ANLN: variants seen among roughly 807,000 people sequenced by gnomAD.
ANLN encodes anillin.
ANLN carries 59 observed loss-of-function variants against 135.1 expected under a neutral mutation model. The observed-to-expected ratio is 0.44, with a 90% CI of 0.35 to 0.54. The LOEUF is 0.54. ANLN is among the 20% of genes least tolerant of loss of function. ANLN has a pLI of 0.00. For missense variants in ANLN, 1,182 were observed against 1,340.0 expected (o/e 0.88, Z 1.84); for synonymous variants, 406 against 456.4 (o/e 0.89, Z 1.41).
At chr7:36,396,219 C>A (rs778849303) in intron 1 of ANLN, 47 bp from the exon 2 acceptor site, 1 of 1,491,938 alleles carries the variant, frequency 6.7e-7, no homozygotes, top group Non-Finnish European at 9.0e-7. Flanking sequence ...ATTTTATGAA[C>A]CTTTGATTAA....
Position 36,407,802 on chromosome 7 carries a change from T to C in ANLN, c.942T>C (p.Pro314=). The C allele has an allele frequency of 6.2e-7, 1 of 1,613,906 alleles. No homozygotes were observed. The highest frequency in any genetic ancestry group is 8.5e-7 in the Non-Finnish European group (1 of 1,179,844). Residue 314 remains proline, a synonymous_variant, in exon 5 of 24, where the codon CCT becomes CCC. Coordinates refer to ENST00000265748, the MANE Select transcript of ANLN (RefSeq NM_018685.5). ...TDAKSCEGQN[P]ELLPKTPISP... is the part of the protein sequence containing the mutation. ...CTAAAAGTTGTGAGGGACAAAATCC[T>C]GAGCTACTTCCAAAAACTCCTATTA... is the stretch of plus-strand genomic sequence containing the variant.
At chr7:36,420,046 A>G (rs1198795223) in intron 10 of ANLN, 123 bp from the exon 11 acceptor site, 1 of 921,142 alleles carries the variant, frequency 1.1e-6, no homozygotes, top group Non-Finnish European at 1.6e-6. Context: ...CTTTGTTTTT[A>G]TGATGAATCA....
chr7:36,402,604 G>GT (rs1259195996), intron 3 of ANLN, among the ~76,000 whole-genome samples: 1 of 151,888 alleles, frequency 6.6e-6, no homozygotes, highest in Non-Finnish European at 1.5e-5. Flanking sequence ...TTTTTCAAAC[G>GT]TATCTCTCTA....
intron 7 of ANLN, among the ~76,000 whole-genome samples, chr7:36,415,402 G>GTTATT (rs58082754): frequency 1.2e-3 from 174 of 149,286 alleles, no homozygotes; most frequent in African/African-American, 4.0e-3. Context: ...TTTTTTTATT[G>GTTATT]TTATTTTATT....
At chr7:36,396,103 G>A (rs1197894811) in intron 1 of ANLN, among the ~76,000 whole-genome samples, 163 bp from the exon 2 acceptor site, 2 of 152,082 alleles carry the variant, frequency 1.3e-5, no homozygotes, top group Non-Finnish European at 2.9e-5. Flanking sequence ...TTATGACATT[G>A]GGGTACTCAT....
At chr7:36,424,032 C>A in intron 15 of ANLN, 89 bp downstream of exon 15, 1 of 1,309,994 alleles carries the variant, frequency 7.6e-7, no homozygotes, top group Non-Finnish European at 1.0e-6. Flanking sequence ...CATTTATAAT[C>A]TTTGAAACGC....
intron 20 of ANLN, among the ~76,000 whole-genome samples, chr7:36,436,984 T>G (rs1375318118): frequency 2.0e-5 from 3 of 152,238 alleles, no homozygotes; most frequent in Non-Finnish European, 4.4e-5. Flanking sequence ...ATAATTTTTT[T>G]TATTATGGTA....
rs775015663 is a variant in ANLN at position 36,422,780 on chromosome 7, A to AT, written c.2451dup (p.Val818CysfsTer24). On this transcript the variant is annotated frameshift_variant, in exon 14 of 24. Transcript: ENST00000265748. LOFTEE classifies it high-confidence loss of function. ...GAAATCCGCTTGCCTCTAAAAGCAG[A>AT]TTTTGTCTGCAGTACGGTTCAGAAA... 3.7e-6 allele frequency: 6 copies of AT among 1,612,226 alleles called. No homozygotes were observed. Among genetic ancestry groups the AT allele is most frequent in the Non-Finnish European group, 3.4e-6 (4 of 1,179,350 alleles).
intron 19 of ANLN, 32 bp from the exon 20 acceptor site, chr7:36,426,884 T>A: frequency 4.3e-6 from 6 of 1,404,588 alleles, no homozygotes; most frequent in Non-Finnish European, 5.9e-6. Context: ...AAAGTCATTC[T>A]GAACTAAACT....
intron 1 of ANLN, among the ~76,000 whole-genome samples, chr7:36,394,627 CATTCTT>C (rs547163149): frequency 2.8e-5 from 4 of 144,578 alleles, no homozygotes; most frequent in South Asian, 5.4e-4. Flanking sequence ...AATTAGAAAT[CATTCTT>C]AAGAAGAGTA....
intron 17 of ANLN, among the ~76,000 whole-genome samples, chr7:36,425,352 T>A (rs1355775171): frequency 3.3e-5 from 5 of 149,526 alleles, no homozygotes; most frequent in Non-Finnish European, 1.5e-5. Context: ...TGGAGTGCAG[T>A]GGCGTGATCT....
chr7:36,405,996 A>G (rs1227390203), intron 3 of ANLN, among the ~76,000 whole-genome samples, 185 bp from the exon 4 acceptor site: 1 of 152,236 alleles, frequency 6.6e-6, no homozygotes, highest in African/African-American at 2.4e-5. Flanking sequence ...CGGATTTAAT[A>G]TCATTTGATT....
At chr7:36,407,684 AT>A (rs1562792058) in intron 4 of ANLN, 49 bp from the exon 5 acceptor site, 1 of 1,359,044 alleles carries the variant, frequency 7.4e-7, no homozygotes, top group South Asian at 1.2e-5. Context: ...TTATAGGACT[AT>A]TTTTAGATAT....
chr7:36,449,388 CTGT>C, intron 22 of ANLN: 1 of 226,744 alleles, frequency 4.4e-6, no homozygotes, highest in East Asian at 9.6e-5. Flanking sequence ...GCTCATTATA[CTGT>C]TGTTTGTATT....
chr7:36,428,830 G>C (rs1788197135), intron 20 of ANLN, among the ~76,000 whole-genome samples: 1 of 145,776 alleles, frequency 6.9e-6, no homozygotes, highest in African/African-American at 2.5e-5. Context: ...CCAGGCTGGA[G>C]TGCAGTGGCG....
At position 36,453,424 on chromosome 7, in the gene ANLN, A is replaced by G. The variant is rs951596635; in HGVS notation, c.*824A>G. On this transcript the variant is annotated 3_prime_UTR_variant, in exon 24 of 24. Coordinates refer to ENST00000265748, the MANE Select transcript of ANLN (RefSeq NM_018685.5). Reference sequence around the variant, plus strand: ...ACTGTTATGAAGCTGCTATGTACTAATAATACTTTGCTTGCCAAAGTGTTT... The same window carrying G: ...ACTGTTATGAAGCTGCTATGTACTAGTAATACTTTGCTTGCCAAAGTGTTT... The G allele has an allele frequency of 1.1e-4, 16 of 152,206 alleles. No homozygotes were observed. Among genetic ancestry groups the G allele is most frequent in the Non-Finnish European group, 1.9e-4 (13 of 68,038 alleles). The allele number at this position is 152,206 out of a possible 1,614,324, so 9.4% of individuals were successfully genotyped here.
Position 36,426,919 on chromosome 7 carries a change from TG to T in ANLN, c.2776del (p.Ala926ProfsTer27). 1 of 1,594,344 alleles carries T rather than the reference TG, an allele frequency of 6.3e-7. No homozygotes were observed. The highest frequency in any genetic ancestry group is 8.5e-7 in the Non-Finnish European group (1 of 1,172,952). On this transcript the variant is annotated frameshift_variant, in exon 20 of 24. Transcript: ENST00000265748. LOFTEE classifies it high-confidence loss of function. ...TTKSNIHSSV[M>X]ASPGGLSAVR... The stretch of plus-strand genomic sequence containing the variant: ...TTAATTTCCTCGTTCTTCACAGTCA[TG>T]GCCAGTCCAGGAGGTCTTAGTGCTG...
chr7:36,393,568 A>C (rs946238892), intron 1 of ANLN, among the ~76,000 whole-genome samples: 1 of 152,212 alleles, frequency 6.6e-6, no homozygotes, highest in African/African-American at 2.4e-5. Flanking sequence ...CATGCATCCC[A>C]TGTTCACTTT....
At chr7:36,415,698 T>C (rs988065847) in intron 7 of ANLN, 60 bp from the exon 8 acceptor site, 52 of 1,466,018 alleles carry the variant, frequency 3.5e-5, no homozygotes, top group Non-Finnish European at 4.5e-5. Flanking sequence ...TTTAATAACA[T>C]AGAAAGATAA....
Sources: gnomAD v4.1 joint callset for allele counts (sites outside exome capture counted in the v4.1 genomes callset) on GRCh38, gnomAD v4.1.1 for gene constraint, MANE v1.5 for transcripts, NCBI Gene and HGNC (gene_info 2026-07-23, HGNC 2026-07-21) for gene names.